Variants in C2orf76 observed in about 807,000 individuals in gnomAD.
C2orf76 encodes the protein UPF0538 protein C2orf76.
In C2orf76, 23 loss-of-function variants were observed where a neutral mutation model predicts 16.9. The observed-to-expected ratio is 1.36, with a 90% confidence interval of 0.98 to 1.93. The LOEUF (loss-of-function observed/expected upper bound fraction) is 1.93, where lower values mean the gene tolerates loss of function less well. Ranked by LOEUF, C2orf76 falls within the 30% of genes most tolerant of loss-of-function variation. The probability of loss-of-function intolerance (pLI) is 0.00; values close to 1 mark genes in which losing one functional copy is unlikely to be tolerated. For synonymous variants in C2orf76, 48 were observed against 52.3 expected (o/e 0.92, Z 0.35); for missense variants, 152 against 152.6 (o/e 1.00, Z 0.02).
intron 2 of C2orf76, chr2:119,338,759 T>C (rs181215427): frequency 1.0e-4 from 16 of 152,390 alleles, no homozygotes; most frequent in African/African-American, 3.1e-4. Flanking sequence ...CACGCACCAC[T>C]ACCCCCCAGA....
At chr2:119,321,639 A>G (rs1679346570) in intron 2 of C2orf76, among the ~76,000 whole-genome samples, 1 of 152,194 alleles carries the variant, frequency 6.6e-6, no homozygotes, top group African/African-American at 2.4e-5. Context: ...CTCCCCTGAC[A>G]GGTGGGGATT....
downstream of C2orf76, among the ~76,000 whole-genome samples, chr2:119,301,790 GC>G (rs1678627390): frequency 6.6e-6 from 1 of 151,922 alleles, no homozygotes; most frequent in Admixed American, 6.6e-5. Flanking sequence ...CAAGCATCCT[GC>G]CGCTTCCTCT....
At chr2:119,293,605 GAA>G in the C2orf76 span, among the ~76,000 whole-genome samples, 181 of 152,336 alleles carry the variant, frequency 1.2e-3, no homozygotes, top group African/African-American at 3.5e-3. Flanking sequence ...AAGTGAGAGA[GAA>G]GTGAAACCCA....
intron 2 of C2orf76, among the ~76,000 whole-genome samples, chr2:119,327,445 T>C (rs1042138252): frequency 2.7e-5 from 4 of 149,844 alleles, no homozygotes; most frequent in Admixed American, 6.7e-5. Flanking sequence ...CCAAATCTCA[T>C]GTTGACATGT....
rs191583229 is a variant in C2orf76, at chr2:119,315,538, T to A, written c.222+1928A>T. 6.6e-5 allele frequency among the ~76,000 whole-genome samples: 10 copies of A among 152,316 alleles called. No homozygotes were observed. In the East Asian group the frequency reaches 1.7e-3, roughly 26 times the overall value. ...ATGAGAAAAATGACTGTGAACTGGA[T>A]AAGGCACAAATGAGGACATGTGGAT... On this transcript the variant is annotated intron_variant, in intron 4 of 5. Coordinates refer to ENST00000334816, the MANE Select transcript of C2orf76 (RefSeq NM_001322331.2).
chr2:119,320,629 G>A (rs988964120), intron 3 of C2orf76, among the ~76,000 whole-genome samples: 2 of 152,134 alleles, frequency 1.3e-5, no homozygotes, highest in Admixed American at 1.3e-4. Context: ...ACTTTAAAAT[G>A]TCTGCACCAA....
intron 3 of C2orf76, among the ~76,000 whole-genome samples, chr2:119,320,362 C>T (rs183001252): frequency 1.3e-5 from 2 of 152,226 alleles, no homozygotes; most frequent in African/African-American, 4.8e-5. Flanking sequence ...CTTAATCATC[C>T]TTTTTATTCC....
At chr2:119,351,746 C>T (rs1008638316) in intron 1 of C2orf76, among the ~76,000 whole-genome samples, 1 of 151,504 alleles carries the variant, frequency 6.6e-6, no homozygotes, top group African/African-American at 2.4e-5. Context: ...GGCAACAGAG[C>T]GAGATCCTGT....
chr2:119,355,444 C>A (rs1227528346), intron 1 of C2orf76, among the ~76,000 whole-genome samples: 2 of 152,210 alleles, frequency 1.3e-5, no homozygotes, highest in Admixed American at 1.3e-4. Flanking sequence ...TAAGGCTGGG[C>A]AGGTTTGCTT....
chr2:119,342,275 C>A (rs139522377), intron 1 of C2orf76, among the ~76,000 whole-genome samples: 148 of 152,302 alleles, frequency 9.7e-4, no homozygotes, highest in African/African-American at 3.4e-3. Context: ...CCTGTACTAT[C>A]ATTTATACAA....
intron 5 of C2orf76, among the ~76,000 whole-genome samples, chr2:119,306,441 G>A (rs1392792963): frequency 6.6e-6 from 1 of 152,138 alleles, no homozygotes; most frequent in African/African-American, 2.4e-5. Flanking sequence ...CTGGCTTGCC[G>A]AGAATGCTTC....
At chr2:119,293,633 A>T in the C2orf76 span, among the ~76,000 whole-genome samples, 1 of 152,218 alleles carries the variant, frequency 6.6e-6, no homozygotes, top group Non-Finnish European at 1.5e-5. Context: ...AAGGAAGGTG[A>T]CTGCAATAGT....
chr2:119,318,447 C>T (rs560241170), intron 3 of C2orf76, among the ~76,000 whole-genome samples: 1 of 152,076 alleles, frequency 6.6e-6, no homozygotes, highest in East Asian at 1.9e-4. Flanking sequence ...TCTCATAATA[C>T]ACAATAAGGT....
chr2:119,342,694 T>C (rs974381556), intron 1 of C2orf76, among the ~76,000 whole-genome samples: 7 of 152,062 alleles, frequency 4.6e-5, no homozygotes, highest in African/African-American at 1.7e-4. Flanking sequence ...AGGAATAAAT[T>C]GGGGCTTCAA....
chr2:119,345,138 G>A lies in C2orf76; in HGVS notation c.-12-5167C>T, dbSNP rs569033122. On this transcript the variant is annotated intron_variant, in intron 1 of 5. Transcript: ENST00000334816. ...CAAAGACAAAGCAGCAATCATCAAG[G>A]AAAAGACTGATAGTTGTAACAACAT... Among the ~76,000 whole-genome samples the A allele has an allele frequency of 3.5e-4, 54 of 152,192 alleles. No homozygotes were observed. In the South Asian group the frequency reaches 7.7e-3, roughly 22 times the overall value.
intron 2 of C2orf76, among the ~76,000 whole-genome samples, chr2:119,329,507 A>G (rs1266645067): frequency 6.6e-6 from 1 of 152,090 alleles, no homozygotes; most frequent in Non-Finnish European, 1.5e-5. Context: ...GTGATTATTG[A>G]TATGGTTAAA....
At chr2:119,346,639 GA>G (rs1395806168) in intron 1 of C2orf76, among the ~76,000 whole-genome samples, 1 of 152,166 alleles carries the variant, frequency 6.6e-6, no homozygotes, top group Admixed American at 6.5e-5. Flanking sequence ...GTTAGGGGAA[GA>G]GGGGGAAAGA....
intron 2 of C2orf76, among the ~76,000 whole-genome samples, chr2:119,334,167 A>G (rs1334695262): frequency 6.6e-6 from 1 of 152,164 alleles, no homozygotes; most frequent in Non-Finnish European, 1.5e-5. Flanking sequence ...ATTCAGTGAC[A>G]TTCTGGAAAA....
At chr2:119,348,941 T>G (rs952250715) in intron 1 of C2orf76, among the ~76,000 whole-genome samples, 1 of 152,132 alleles carries the variant, frequency 6.6e-6, no homozygotes, top group Admixed American at 6.5e-5. Flanking sequence ...GAGCCAAGAT[T>G]GCACCACTGC....
Sources: allele counts gnomAD v4.1 joint callset (sites outside exome capture counted in the v4.1 genomes callset), GRCh38; gene constraint gnomAD v4.1.1; transcripts MANE v1.5; gene names NCBI Gene and HGNC (gene_info 2026-07-23, HGNC 2026-07-21).